The following CFAP299 variants were observed in gnomAD, a reference collection of about 807,000 sequenced individuals.
CFAP299 encodes the protein cilia- and flagella-associated protein 299.
A neutral mutation model predicts 27.0 loss-of-function variants in CFAP299; 21 were observed. The ratio of observed to expected loss-of-function variants is 0.78; its 90% CI spans 0.55 to 1.12. The LOEUF (loss-of-function observed/expected upper bound fraction) is 1.12, where lower values mean the gene tolerates loss of function less well. Among genes scored for constraint, CFAP299 ranks in the 50% most tolerant of loss-of-function variants. CFAP299 has a pLI of 0.00. For synonymous variants in CFAP299, 104 were observed against 98.1 expected, an observed-to-expected ratio of 1.06 and a Z score of -0.36; for missense variants, 310 against 276.6, an observed-to-expected ratio of 1.12 and a Z score of -0.86.
At chr4:80,615,711 A>G (rs1262089799) in intron 3 of CFAP299, among the ~76,000 whole-genome samples, 1 of 152,126 alleles carries the variant, frequency 6.6e-6, no homozygotes. Context: ...TTAGGCATAC[A>G]TCTTGATACT....
intron 3 of CFAP299, among the ~76,000 whole-genome samples, chr4:80,692,413 T>G (rs1720779713): frequency 6.6e-6 from 1 of 152,158 alleles, no homozygotes. Flanking sequence ...TATCTGATCT[T>G]TGAGAAACCT....
chr4:80,938,347 A>T (rs1737023340), intron 4 of CFAP299, among the ~76,000 whole-genome samples: 1 of 152,212 alleles, frequency 6.6e-6, no homozygotes, highest in African/African-American at 2.4e-5. Context: ...CACCTGGCCC[A>T]CCCAGGGCGG....
chr4:80,703,276 C>T (rs1047510722), intron 3 of CFAP299, among the ~76,000 whole-genome samples: 17 of 151,570 alleles, frequency 1.1e-4, no homozygotes, highest in South Asian at 2.1e-4. Flanking sequence ...GAAAGACTGA[C>T]GAAAAGAATA....
At chr4:80,482,173 C>A (rs1730598453) in intron 2 of CFAP299, among the ~76,000 whole-genome samples, 1 of 151,062 alleles carries the variant, frequency 6.6e-6, no homozygotes, top group Non-Finnish European at 1.5e-5. Flanking sequence ...ATTCTTTTAC[C>A]AGAAATGTAT....
At position 80,374,928 on chromosome 4, in the gene CFAP299, G is replaced by A. The variant is rs554394885; in HGVS notation, c.242+12044G>A. Among the ~76,000 whole-genome samples the A allele has an allele frequency of 3.3e-5, 5 of 151,952 alleles. 1 individual carries two copies. In the South Asian group the frequency reaches 8.3e-4, roughly 25 times the overall value. Reference sequence around the variant, plus strand: ...GCCTGTTTGCATATGACTTAACTGCGGGGATGTGGCCAGGGATGTGGACCT... The same window carrying A: ...GCCTGTTTGCATATGACTTAACTGCAGGGATGTGGCCAGGGATGTGGACCT... On this transcript the variant is annotated intron_variant, in intron 2 of 5. Coordinates refer to ENST00000358105, the MANE Select transcript of CFAP299 (RefSeq NM_152770.3).
Position 80,944,896 on chromosome 4 carries a change from T to A in CFAP299, c.563T>A (p.Phe188Tyr). ...GCCGATAATCCAGAAGGCTTACTTT[T>A]CAGATACAAAAGAGACAGAAAAATT... ...VIADNPEGLL[F>Y]RYKRDRKILN... The change falls in exon 5 of 6, where the codon TTC (phenylalanine) becomes TAC (tyrosine). Residue 188 changes from phenylalanine to tyrosine, a missense_variant. Physicochemically the swap from Phe to Tyr is conservative, Grantham distance 22. Transcript: ENST00000358105. The A allele has an allele frequency of 6.8e-6, 11 of 1,613,202 alleles. No homozygotes were observed. Among genetic ancestry groups the A allele is most frequent in the Non-Finnish European group, 9.3e-6 (11 of 1,179,408 alleles).
At chr4:80,632,336 T>G (rs1178582096) in intron 3 of CFAP299, among the ~76,000 whole-genome samples, 1 of 152,216 alleles carries the variant, frequency 6.6e-6, no homozygotes, top group Non-Finnish European at 1.5e-5. Flanking sequence ...TCATATCACT[T>G]AATTTGCTCA....
intron 3 of CFAP299, among the ~76,000 whole-genome samples, chr4:80,612,011 A>G (rs903377885): frequency 2.6e-5 from 4 of 152,090 alleles, no homozygotes; most frequent in African/African-American, 9.7e-5. Context: ...CAAATCGTCG[A>G]TGATGGTCAT....
chr4:80,910,702 A>G (rs2110203092), intron 4 of CFAP299, among the ~76,000 whole-genome samples: 1 of 152,210 alleles, frequency 6.6e-6, no homozygotes, highest in South Asian at 2.1e-4. Flanking sequence ...GAAAAAAATG[A>G]CTATTTAGTA....
chr4:80,884,018 A>G (rs1227437362), intron 4 of CFAP299, among the ~76,000 whole-genome samples: 4 of 151,798 alleles, frequency 2.6e-5, no homozygotes, highest in Admixed American at 2.6e-4. Flanking sequence ...CCCTTTTCCC[A>G]CCCTTCACCC....
chr4:80,685,051 G>A (rs1249663594), intron 3 of CFAP299, among the ~76,000 whole-genome samples: 2 of 152,020 alleles, frequency 1.3e-5, no homozygotes, highest in Non-Finnish European at 2.9e-5. Context: ...TTGAAAATTT[G>A]GATCTGGATG....
At chr4:80,430,047 T>A (rs1052191883) in intron 2 of CFAP299, among the ~76,000 whole-genome samples, 2 of 152,326 alleles carry the variant, frequency 1.3e-5, no homozygotes, top group African/African-American at 4.8e-5. Context: ...TCTACATTTT[T>A]AAATCTAATA....
intron 3 of CFAP299, among the ~76,000 whole-genome samples, chr4:80,800,564 A>G (rs1161619290): frequency 1.3e-5 from 1 of 74,248 alleles, no homozygotes; most frequent in Admixed American, 2.5e-4. Flanking sequence ...ATATTATATA[A>G]TATATTAATA....
intron 4 of CFAP299, among the ~76,000 whole-genome samples, chr4:80,890,698 T>A (rs1209816524): frequency 1.3e-5 from 2 of 150,672 alleles, no homozygotes; most frequent in Non-Finnish European, 2.9e-5. Flanking sequence ...GTGTTCCTAT[T>A]TCTCCACATC....
At chr4:80,795,271 C>T (rs1468137244) in intron 3 of CFAP299, among the ~76,000 whole-genome samples, 1 of 152,182 alleles carries the variant, frequency 6.6e-6, no homozygotes, top group Admixed American at 6.5e-5. Flanking sequence ...ACCATACAGC[C>T]AAACCATTGG....
intron 1 of CFAP299, among the ~76,000 whole-genome samples, chr4:80,350,213 C>T (rs1296268867): frequency 6.6e-6 from 1 of 152,010 alleles, no homozygotes; most frequent in Non-Finnish European, 1.5e-5. Context: ...AATAGCTAAA[C>T]ATTTTCCAAA....
intron 3 of CFAP299, among the ~76,000 whole-genome samples, chr4:80,726,536 G>T (rs747661548): frequency 1.3e-5 from 2 of 152,048 alleles, no homozygotes; most frequent in Non-Finnish European, 2.9e-5. Context: ...TCAAATAATG[G>T]TTAATAATGG....
chr4:80,671,492 C>T (rs7689539), intron 3 of CFAP299, among the ~76,000 whole-genome samples: 7,280 of 152,114 alleles, frequency 0.048, 555 homozygotes, highest in African/African-American at 0.16. Flanking sequence ...TTTGTGGTTC[C>T]GTATGAACTT....
Position 80,920,083 on chromosome 4 carries a change from T to C in CFAP299, c.477-24727T>C, listed in dbSNP as rs567051210. On this transcript the variant is annotated intron_variant, in intron 4 of 5. Transcript: ENST00000358105. Reference sequence around the variant, plus strand: ...CCCACCTCCACTAAAGGATCTCCCATTGAAGTTTTGTCTACTCTTGTATGC... The same window carrying C: ...CCCACCTCCACTAAAGGATCTCCCACTGAAGTTTTGTCTACTCTTGTATGC... Among the ~76,000 whole-genome samples the C allele has an allele frequency of 4.6e-5, 7 of 152,242 alleles. No homozygotes were observed. In the East Asian group the frequency reaches 9.7e-4, roughly 21 times the overall value.
Sources: gnomAD v4.1 joint callset for allele counts (sites outside exome capture counted in the v4.1 genomes callset) on GRCh38, gnomAD v4.1.1 for gene constraint, MANE v1.5 for transcripts, NCBI Gene and HGNC (gene_info 2026-07-23, HGNC 2026-07-21) for gene names.